CIC: variants seen among roughly 807,000 people sequenced by gnomAD.
CIC encodes capicua transcriptional repressor.
Under a neutral mutation model 115.7 loss-of-function variants are expected in CIC, and 18 were observed. That is an observed-to-expected ratio of 0.16 (90% CI 0.11 to 0.23). CIC has a LOEUF of 0.23. Among genes scored for constraint, CIC ranks in the 10% least tolerant of loss-of-function variants. The pLI, the probability that CIC is intolerant of heterozygous loss-of-function variation, is 1.00. For missense variants in CIC, 2,000 were observed against 2,159.3 expected (o/e 0.93, Z 1.46); for synonymous variants, 1,076 against 923.0 (o/e 1.17, Z -3.01).
In CIC at chr19:42,287,307, TGCCCC is replaced by T. The variant is rs751030414; in HGVS notation, c.3180-9_3180-5del. 51 of 1,613,988 alleles carry T rather than the reference TGCCCC, an allele frequency of 3.2e-5. No individual in the cohort carries two copies. The highest frequency in any genetic ancestry group is 4.3e-5 in the Non-Finnish European group (51 of 1,180,036). Reference sequence around the variant, plus strand: ...GAGACATGGCCCTCACTGTCCCTGCTGCCCCGCCGCAGCTTCCTCTCCATCATGTC... The same window carrying T: ...GAGACATGGCCCTCACTGTCCCTGCTGCCGCAGCTTCCTCTCCATCATGTC... On this transcript the variant is annotated splice_region_variant and splice_polypyrimidine_tract_variant and intron_variant, in intron 4 of 20. Coordinates refer to ENST00000681038, the MANE Select transcript of CIC (RefSeq NM_001386298.1). The surrounding 1 kb of genome is among the most constrained non-coding windows in gnomAD (Gnocchi z 8.7).
intron 2 of CIC, chr19:42,284,844 G>A (rs2147141488): frequency 7.7e-7 from 1 of 1,295,454 alleles, no homozygotes; most frequent in Non-Finnish European, 1.1e-6. Context: ...AACGGTGGTG[G>A]GGGTATAGTA....
chr19:42,291,769 C>T (rs764318993), intron 12 of CIC, 24 bp downstream of exon 12: 7 of 1,612,510 alleles, frequency 4.3e-6, no homozygotes, highest in South Asian at 3.3e-5. Context: ...TTTCTCTCTA[C>T]CTGCTGGATG....
In CIC at chr19:42,291,086, C is replaced by T. The variant is rs587778198; in HGVS notation, c.5045C>T (p.Pro1682Leu). 2.5e-6 allele frequency: 4 copies of T among 1,613,546 alleles called. No homozygotes were observed. Among genetic ancestry groups the T allele is most frequent in the Non-Finnish European group, 2.5e-6 (3 of 1,179,844 alleles). ...LLVGTPGYGA[P>L]APPAVQFIAQ... is the part of the protein sequence containing the mutation. ...GTGGGCACCCCGGGGTATGGGGCCC[C>T]TGCGCCCCCTGCTGTCCAGTTCATT... The change falls in exon 11 of 21, where the codon CCT becomes CTT. Residue 1682 changes from proline to leucine, a missense_variant. Physicochemically the swap from Pro to Leu is moderately conservative, Grantham distance 98 (BLOSUM62 -3). Around this residue, in one of 8 missense-constraint regions of CIC, gnomAD observed 1,466 missense variants for 1,390.4 expected, o/e 1.05. Coordinates refer to ENST00000681038, the MANE Select transcript of CIC (RefSeq NM_001386298.1).
At position 42,294,189 on chromosome 19, in the gene CIC, C is replaced by G. The variant is rs138828997; in HGVS notation, c.6939C>G (p.Pro2313=). The G allele has an allele frequency of 5.0e-6, 8 of 1,613,748 alleles. No individual in the cohort carries two copies. The East Asian group carries it at 1.3e-4, about 27-fold the overall frequency. Residue 2313 remains proline, a synonymous_variant, in exon 19 of 21, where the codon CCC becomes CCG. Coordinates refer to ENST00000681038, the MANE Select transcript of CIC (RefSeq NM_001386298.1). ...RKNSTDLDSA[P]EDPTSPKRKM... is the part of the protein sequence containing the mutation. Reference sequence around the variant, plus strand: ...TTTGGCCAGACCTGGATTCAGCACCCGAGGACCCCACCTCGCCCAAGCGCA... The same window carrying G: ...TTTGGCCAGACCTGGATTCAGCACCGGAGGACCCCACCTCGCCCAAGCGCA...
rs2037198440 is a variant in CIC at position 42,280,760 on chromosome 19, G to A, written c.2795-6011G>A. On this transcript the variant is annotated intron_variant, in intron 2 of 20. Coordinates refer to ENST00000681038, the MANE Select transcript of CIC (RefSeq NM_001386298.1). The surrounding 1 kb of genome is among the most constrained non-coding windows in gnomAD (Gnocchi z 4.9). ...GCGGCGAGTGGAAAATCTCGTGAGCGCGGGGAGGGGAGGGGAACGCAGGGC... is the reference window on the plus strand; with the variant it reads ...GCGGCGAGTGGAAAATCTCGTGAGCACGGGGAGGGGAGGGGAACGCAGGGC... Among the ~76,000 whole-genome samples, 2 of 152,030 alleles carry A rather than the reference G, an allele frequency of 1.3e-5. No individual in the cohort carries two copies. Among genetic ancestry groups the A allele is most frequent in the Admixed American group, 1.3e-4 (2 of 15,282 alleles).
Position 42,294,249 on chromosome 19 carries a change from C to T in CIC, c.6999C>T (p.Pro2333=), listed in dbSNP as rs1318604824. ...GACGCTCCAGCTGCAGCTCGGAGCC[C>T]AACACCCCCAAGAGTGCCAAGTGCG... ...MRRRSSCSSE[P]NTPKSAKCEG... The change falls in exon 19 of 21, where the codon CCC becomes CCT. Residue 2333 remains proline (P), a synonymous_variant. Transcript: ENST00000681038. 6.2e-7 allele frequency: 1 copy of T among 1,613,754 alleles called. No individual in the cohort carries two copies. Among genetic ancestry groups the T allele is most frequent in the Non-Finnish European group, 8.5e-7 (1 of 1,180,024 alleles).
Position 42,295,662 on chromosome 19 carries a change from C to G in CIC, c.*471C>G, listed in dbSNP as rs2147367805. On this transcript the variant is annotated 3_prime_UTR_variant, in exon 21 of 21. Transcript: ENST00000681038. ...CTCCTCACCCCCTCTGCCCTCCCAA[C>G]TTGGGTTGTACTTTCTAAGAAGGTG... 4.2e-6 allele frequency: 1 copy of G among 235,366 alleles called. No homozygotes were observed. Among genetic ancestry groups the G allele is most frequent in the South Asian group, 1.7e-4 (1 of 5,844 alleles). 14.6% of individuals were successfully genotyped at this position (235,366 alleles called of 1,614,324 possible).
intron 12 of CIC, 134 bp downstream of exon 12, chr19:42,291,879 G>A: frequency 7.6e-7 from 1 of 1,317,106 alleles, no homozygotes; most frequent in Non-Finnish European, 1.1e-6. Context: ...TGATGTCTCT[G>A]TGCATCCTGA....
rs531141870 is a variant in CIC, at chr19:42,286,066, G to T, written c.2795-705G>T. Among the ~76,000 whole-genome samples the T allele has an allele frequency of 1.8e-4, 27 of 152,332 alleles. 1 individual carries two copies. The East Asian group carries it at 3.5e-3, about 20-fold the overall frequency. ...TGGACTACAGATAAGCCGAGGGGCT[G>T]ATGGGGAAGGGAGGCTGGGAGGCCG... On this transcript the variant is annotated intron_variant, in intron 2 of 20. Transcript: ENST00000681038.
Position 42,291,380 on chromosome 19 carries a change from C to G in CIC, c.5339C>G (p.Ser1780Cys). 7 of 1,612,592 alleles carry G rather than the reference C, an allele frequency of 4.3e-6. No individual in the cohort carries two copies. Among genetic ancestry groups the G allele is most frequent in the Non-Finnish European group, 5.9e-6 (7 of 1,179,760 alleles). ...CGTTTCACCCTCCCACCGGGCACTT[C>G]CACCAACGGCAAAGTCCTGGCTGCC... ...SIRFTLPPGT[S>C]TNGKVLAATA... Residue 1780 changes from serine (S) to cysteine (C), a missense_variant, in exon 11 of 21, where the codon TCC (serine) becomes TGC (cysteine). This residue lies in a region of CIC where 1,466 missense variants were observed against 1,390.4 expected (regional missense o/e 1.05). Coordinates refer to ENST00000681038, the MANE Select transcript of CIC (RefSeq NM_001386298.1).
intron 2 of CIC, chr19:42,284,751 C>T: frequency 6.4e-7 from 1 of 1,557,126 alleles, no homozygotes; most frequent in Non-Finnish European, 8.7e-7. Context: ...AGCGCGGCCT[C>T]CCGTGGCCTC....
In CIC at chr19:42,271,950, C is replaced by T; in HGVS notation, c.167C>T (p.Pro56Leu). ...EAQQPQPQSG[P>L]EEAEEGEEEE... ...CAGCAGCCGCAACCACAGTCCGGGCCCGAAGAGGCTGAGGAAGGGGAGGAG... is the reference window on the plus strand; with the variant it reads ...CAGCAGCCGCAACCACAGTCCGGGCTCGAAGAGGCTGAGGAAGGGGAGGAG... The change falls in exon 2 of 21, where the codon CCC becomes CTC. Residue 56 changes from proline (P) to leucine (L), a missense_variant. By Grantham distance (98) the Pro-to-Leu change is moderately conservative (BLOSUM62 -3). Transcript: ENST00000681038. 1 of 399,368 alleles carries T rather than the reference C, an allele frequency of 2.5e-6. No individual in the cohort carries two copies. The highest frequency in any genetic ancestry group is 4.4e-6 in the Non-Finnish European group (1 of 226,588). 24.7% of individuals were successfully genotyped at this position (399,368 alleles called of 1,614,324 possible).
intron 10 of CIC, 39 bp from the exon 11 acceptor site, chr19:42,290,194 A>C: frequency 6.2e-7 from 1 of 1,613,480 alleles, no homozygotes. Flanking sequence ...GAGGTGTCGG[A>C]GTGTCCTGAC....
chr19:42,288,262 C>T (rs2037806199), intron 7 of CIC, among the ~76,000 whole-genome samples: 1 of 152,152 alleles, frequency 6.6e-6, no homozygotes, highest in Admixed American at 6.5e-5. Context: ...TCTGCAAAAC[C>T]CCATTCTATT....
intron 2 of CIC, among the ~76,000 whole-genome samples, chr19:42,285,121 G>A (rs1178725456): frequency 7.9e-5 from 12 of 152,108 alleles, no homozygotes; most frequent in Non-Finnish European, 1.8e-4. Context: ...TGGGTAGTGG[G>A]GCTAAGGACA....
At chr19:42,289,515 T>A in intron 9 of CIC, 109 bp downstream of exon 9, 1 of 1,282,286 alleles carries the variant, frequency 7.8e-7, no homozygotes, top group African/African-American at 1.5e-5. Context: ...TCTTTTCCAC[T>A]TGGTTTATGG....
chr19:42,287,784 A>G lies in CIC; in HGVS notation c.3493-26A>G, dbSNP rs1173420792. The G allele has an allele frequency of 1.2e-6, 2 of 1,614,010 alleles. No homozygotes were observed. The highest frequency in any genetic ancestry group is 1.7e-6 in the Non-Finnish European group (2 of 1,179,954). On this transcript the variant is annotated intron_variant, in intron 6 of 20. Coordinates refer to ENST00000681038, the MANE Select transcript of CIC (RefSeq NM_001386298.1). The surrounding 1 kb of genome is among the most constrained non-coding windows in gnomAD (Gnocchi z 8.7). ...TTCTTCTGGTGGGGTGGGTGAGTGA[A>G]GGGTTGCCCTGCCCTCTCCTGCCAG...
At chr19:42,278,021 G>T (rs569385893) in intron 2 of CIC, among the ~76,000 whole-genome samples, 1 of 152,374 alleles carries the variant, frequency 6.6e-6, no homozygotes, top group Admixed American at 6.5e-5. Flanking sequence ...GCCCATGCCA[G>T]GGCCTGACCC....
At chr19:42,283,475 T>A (rs1328398584) in intron 2 of CIC, among the ~76,000 whole-genome samples, 1 of 151,838 alleles carries the variant, frequency 6.6e-6, no homozygotes, top group Non-Finnish European at 1.5e-5. Context: ...TGTGACAGCG[T>A]GGGTGTAAGA....
Sources: gnomAD v4.1 joint callset for allele counts (sites outside exome capture counted in the v4.1 genomes callset) on GRCh38, gnomAD v4.1.1 for gene constraint, gnomAD v4.1.1 regional missense constraint, Gnocchi (gnomAD v3.1) non-coding constraint, MANE v1.5 for transcripts, NCBI Gene and HGNC (gene_info 2026-07-23, HGNC 2026-07-21) for gene names.